The following LYPD6 variants were observed in gnomAD, a reference collection of about 807,000 sequenced individuals.
LYPD6 encodes the protein LY6/PLAUR domain containing 6, also known as ly6/PLAUR domain-containing protein 6.
Under a neutral mutation model 22.7 loss-of-function variants are expected in LYPD6, and 15 were observed. The observed-to-expected ratio is 0.66, with a 90% CI of 0.44 to 1.02. The LOEUF (loss-of-function observed/expected upper bound fraction) is 1.02, where lower values mean the gene tolerates loss of function less well. LYPD6 is among the 50% of genes least tolerant of loss of function. The pLI, the probability that LYPD6 is intolerant of heterozygous loss-of-function variation, is 0.00. For synonymous variants in LYPD6, 72 were observed against 77.5 expected, an observed-to-expected ratio of 0.93 and a Z score of 0.37; for missense variants, 189 against 208.4, an observed-to-expected ratio of 0.91 and a Z score of 0.57.
intron 1 of LYPD6, among the ~76,000 whole-genome samples, chr2:149,393,847 A>G (rs1682368468): frequency 6.6e-6 from 1 of 152,182 alleles, no homozygotes; most frequent in South Asian, 2.1e-4. Context: ...GGAATCCATT[A>G]CCATCTATTA....
rs114477947 is a variant in LYPD6, at chr2:149,408,044, C to T, written c.-71-29594C>T. Reference sequence around the variant, plus strand: ...GTATCAGCAGCGGTGTTTGCAAAACCGCGGATTTTCGTGATCTGCGAATGC... The same window carrying T: ...GTATCAGCAGCGGTGTTTGCAAAACTGCGGATTTTCGTGATCTGCGAATGC... On this transcript the variant is annotated intron_variant, in intron 1 of 4. Coordinates refer to ENST00000334166, the MANE Select transcript of LYPD6 (RefSeq NM_194317.5). Among the ~76,000 whole-genome samples the T allele has an allele frequency of 3.4e-3, 525 of 152,208 alleles. 5 individuals carry two copies. Among genetic ancestry groups the T allele is most frequent in the African/African-American group, 0.012 (497 of 41,516 alleles).
chr2:149,425,417 T>G (rs1375460010), intron 1 of LYPD6, among the ~76,000 whole-genome samples: 1 of 152,208 alleles, frequency 6.6e-6, no homozygotes, highest in African/African-American at 2.4e-5. Context: ...TATGCCTGCC[T>G]TGTAGAGCAT....
chr2:149,397,163 G>C (rs1314111474), intron 1 of LYPD6, among the ~76,000 whole-genome samples: 1 of 152,172 alleles, frequency 6.6e-6, no homozygotes, highest in African/African-American at 2.4e-5. Flanking sequence ...TAAAACAGCA[G>C]TGTGACAACT....
At chr2:149,438,459 T>A (rs1374481540) in intron 2 of LYPD6, among the ~76,000 whole-genome samples, 1 of 152,238 alleles carries the variant, frequency 6.6e-6, no homozygotes, top group Non-Finnish European at 1.5e-5. Flanking sequence ...TTTGACTTCC[T>A]CTTTTGGTCT....
Position 149,386,551 on chromosome 2 carries a change from G to C in LYPD6, c.-71-51087G>C, listed in dbSNP as rs905858607. Among the ~76,000 whole-genome samples the C allele has an allele frequency of 2.0e-5, 3 of 152,184 alleles. No homozygotes were observed. In the East Asian group the frequency reaches 5.8e-4, roughly 29 times the overall value. ...TCCAGATGGAAACCATGAGAGCCGT[G>C]CATGTAGACATATTCCCAATTGCTG... On this transcript the variant is annotated intron_variant, in intron 1 of 4. Coordinates refer to ENST00000334166, the MANE Select transcript of LYPD6 (RefSeq NM_194317.5).
Position 149,346,446 on chromosome 2 carries a change from A to T in LYPD6, c.-72+15724A>T, listed in dbSNP as rs543546539. Among the ~76,000 whole-genome samples, 58 of 152,314 alleles carry T rather than the reference A, an allele frequency of 3.8e-4. 1 individual carries two copies. In the South Asian group the frequency reaches 8.9e-3, roughly 23 times the overall value. ...GACTGAACATAAGTGCCATAAAACC[A>T]CTTGGTAGGGTTTGTTTTGGCATGT... On this transcript the variant is annotated intron_variant, in intron 1 of 4. Coordinates refer to ENST00000334166, the MANE Select transcript of LYPD6 (RefSeq NM_194317.5).
At chr2:149,369,618 C>T (rs983368786) in intron 1 of LYPD6, among the ~76,000 whole-genome samples, 1 of 152,058 alleles carries the variant, frequency 6.6e-6, no homozygotes, top group Admixed American at 6.6e-5. Context: ...TAGTTAGAAT[C>T]GTATCTACCA....
intron 1 of LYPD6, among the ~76,000 whole-genome samples, chr2:149,364,432 T>C (rs1344731328): frequency 1.3e-5 from 2 of 152,096 alleles, no homozygotes; most frequent in African/African-American, 4.8e-5. Flanking sequence ...GAAAAATTAA[T>C]GAGTTTTGGC....
chr2:149,336,900 A>C (rs759909855), intron 1 of LYPD6, among the ~76,000 whole-genome samples: 2 of 150,570 alleles, frequency 1.3e-5, no homozygotes, highest in Non-Finnish European at 3.0e-5. Flanking sequence ...TGAATTCCCC[A>C]TGTAAAAAGG....
At chr2:149,417,423 A>C (rs1305557715) in intron 1 of LYPD6, among the ~76,000 whole-genome samples, 1 of 152,242 alleles carries the variant, frequency 6.6e-6, no homozygotes, top group Admixed American at 6.5e-5. Context: ...TTTGGAAAGA[A>C]AAGAAACAGT....
At chr2:149,437,138 C>T (rs559750125) in intron 1 of LYPD6, among the ~76,000 whole-genome samples, 8 of 152,264 alleles carry the variant, frequency 5.3e-5, no homozygotes, top group Middle Eastern at 3.4e-3. Flanking sequence ...TTTTGTGTTA[C>T]GGAGGCACTT....
At chr2:149,354,279 C>T (rs898008600) in intron 1 of LYPD6, among the ~76,000 whole-genome samples, 5 of 152,142 alleles carry the variant, frequency 3.3e-5, no homozygotes, top group African/African-American at 1.2e-4. Flanking sequence ...ACGATCTCAG[C>T]TCACGGCAAC....
chr2:149,441,958 C>T (rs532728092), intron 2 of LYPD6, among the ~76,000 whole-genome samples: 7 of 152,072 alleles, frequency 4.6e-5, no homozygotes, highest in South Asian at 2.1e-4. Flanking sequence ...TTGTTTGTGC[C>T]CATGTAGAGA....
intron 4 of LYPD6, among the ~76,000 whole-genome samples, chr2:149,470,402 C>T (rs998543093): frequency 1.3e-5 from 2 of 152,032 alleles, no homozygotes; most frequent in African/African-American, 4.8e-5. Flanking sequence ...GAACTGAGGC[C>T]CAGGAAGGCT....
At chr2:149,475,234 T>C (rs1307427939), downstream of LYPD6, among the ~76,000 whole-genome samples, 1 of 152,198 alleles carries the variant, frequency 6.6e-6, no homozygotes. Flanking sequence ...TTAACTTACC[T>C]ACTAGGAGTG....
chr2:149,425,189 CAT>C (rs754177015), intron 1 of LYPD6, among the ~76,000 whole-genome samples: 3 of 152,226 alleles, frequency 2.0e-5, no homozygotes, highest in East Asian at 3.8e-4. Flanking sequence ...CTGCGTCTCA[CAT>C]GTGTGTGGCC....
chr2:149,482,843 C>G, the LYPD6 span, among the ~76,000 whole-genome samples: 1 of 152,196 alleles, frequency 6.6e-6, no homozygotes, highest in East Asian at 1.9e-4. Context: ...CACAGGAGAT[C>G]TGACCACACC....
intron 1 of LYPD6, among the ~76,000 whole-genome samples, chr2:149,364,340 T>A (rs1390520607): frequency 6.6e-6 from 1 of 152,148 alleles, no homozygotes; most frequent in African/African-American, 2.4e-5. Context: ...GCTGTTTGAT[T>A]TTGAGGTTAG....
intron 1 of LYPD6, among the ~76,000 whole-genome samples, chr2:149,397,173 T>A (rs918063): frequency 0.99 from 151,054 of 152,334 alleles, 74,908 homozygotes; most frequent in Middle Eastern, 1. Context: ...GTGTGACAAC[T>A]ATGTATTATT....
Sources: gnomAD v4.1 joint callset for allele counts (sites outside exome capture counted in the v4.1 genomes callset) on GRCh38, gnomAD v4.1.1 for gene constraint, MANE v1.5 for transcripts, NCBI Gene and HGNC (gene_info 2026-07-23, HGNC 2026-07-21) for gene names.